Variants in RAB34 observed in about 807,000 individuals in gnomAD.
The protein encoded by RAB34 is RAB34, member RAS oncogene family, also known as ras-related protein Rab-34.
Under a neutral mutation model 39.0 loss-of-function variants are expected in RAB34, and 33 were observed. The observed-to-expected ratio is 0.85, with a 90% CI of 0.64 to 1.13. The LOEUF is 1.13. RAB34 is among the 50% of genes most tolerant of loss of function. RAB34 has a pLI of 0.00. For synonymous variants in RAB34, 135 were observed against 125.1 expected, an observed-to-expected ratio of 1.08 and a Z score of -0.53; for missense variants, 289 against 326.1, an observed-to-expected ratio of 0.89 and a Z score of 0.88.
In RAB34 at chr17:28,715,264, G is replaced by C. The variant is rs112344282; in HGVS notation, c.444C>G (p.Ala148=). ...ASLEHTKQWL[A]DALKENDPSS... is the part of the protein sequence containing the mutation. ...AAGGGTCATTCTCCTTCAGGGCATC[G>C]GCCAGCCACTGCCTGCCATGGGAGG... The change falls in exon 7 of 10, where the codon GCC becomes GCG. Residue 148 remains alanine (A), a synonymous_variant. Coordinates refer to ENST00000395245, the MANE Select transcript of RAB34 (RefSeq NM_031934.6). The C allele has an allele frequency of 2.1e-5, 34 of 1,613,092 alleles. No homozygotes were observed. Among genetic ancestry groups the C allele is most frequent in the African/African-American group, 2.0e-4 (15 of 75,012 alleles).
intron 6 of RAB34, 47 bp downstream of exon 6, chr17:28,715,409 C>T (rs1368300939): frequency 2.5e-6 from 4 of 1,611,022 alleles, no homozygotes; most frequent in Non-Finnish European, 3.4e-6. Context: ...CTGTTCTGAA[C>T]CCTCTCTTCC....
rs2033739577 is a variant in RAB34, at chr17:28,717,578, C to T, written c.-312G>A. 1.4e-6 allele frequency: 2 copies of T among 1,416,384 alleles called. No individual in the cohort carries two copies. Among genetic ancestry groups the T allele is most frequent in the Non-Finnish European group, 1.8e-6 (2 of 1,088,962 alleles). The allele number at this position is 1,416,384 out of a possible 1,614,324, so 87.7% of individuals were successfully genotyped here. A position where few individuals can be genotyped will look rare whatever the true frequency, so the allele number is the denominator to read the frequency against. ...GCGGGGAGTCCCGTCTGGTGGGGGC[C>T]GGGCCCGCGCAGACCCTACGATTAC... is the stretch of plus-strand genomic sequence containing the variant. On this transcript the variant is annotated 5_prime_UTR_variant, in exon 1 of 10. Transcript: ENST00000395245.
chr17:28,717,919 T>C (rs1448558564), upstream of RAB34: 2 of 1,326,932 alleles, frequency 1.5e-6, no homozygotes, highest in Non-Finnish European at 1.9e-6. Flanking sequence ...GCCCCTCTCC[T>C]GGCGGCTCCA....
Position 28,717,594 on chromosome 17 carries a change from C to T in RAB34, c.-328G>A. The T allele has an allele frequency of 2.1e-6, 3 of 1,409,420 alleles. No individual in the cohort carries two copies. Among genetic ancestry groups the T allele is most frequent in the Non-Finnish European group, 2.8e-6 (3 of 1,086,068 alleles). The allele number at this position is 1,409,420 out of a possible 1,614,324, so 87.3% of individuals were successfully genotyped here. ...GGTGGGGGCCGGGCCCGCGCAGACC[C>T]TACGATTACGCGGGGCCGGATAGTT... On this transcript the variant is annotated 5_prime_UTR_variant, in exon 1 of 10. Transcript: ENST00000395245.
At chr17:28,715,356 C>A in intron 6 of RAB34, 80 bp from the exon 7 acceptor site, 1 of 1,580,550 alleles carries the variant, frequency 6.3e-7, no homozygotes, top group Non-Finnish European at 8.7e-7. Context: ...CAATTACCCC[C>A]TCTCTGGTCC....
rs765974600 is a variant in RAB34 at position 28,715,420 on chromosome 17, C to T, written c.431+36G>A. 8.7e-6 allele frequency: 14 copies of T among 1,612,392 alleles called. No homozygotes were observed. The Middle Eastern group carries it at 8.3e-4, about 95-fold the overall frequency. On this transcript the variant is annotated intron_variant, in intron 6 of 9. Coordinates refer to ENST00000395245, the MANE Select transcript of RAB34 (RefSeq NM_031934.6). Reference sequence around the variant, plus strand: ...CCCTCTGTTCTGAACCCTCTCTTCCCGGAGCCTCCCATTATATTGCAGGAT... The same window carrying T: ...CCCTCTGTTCTGAACCCTCTCTTCCTGGAGCCTCCCATTATATTGCAGGAT...
rs1275091259 is a variant in RAB34 at position 28,715,717 on chromosome 17, G to A, written c.315-12C>T. ...CAGCGGTATCCCAACTGGAAGGAAG[G>A]AAGAGTGAAGCACAGGTATGTATCT... On this transcript the variant is annotated splice_polypyrimidine_tract_variant and intron_variant, in intron 4 of 9. Transcript: ENST00000395245. 10 of 1,613,976 alleles carry A rather than the reference G, an allele frequency of 6.2e-6. No individual in the cohort carries two copies. Among genetic ancestry groups the A allele is most frequent in the South Asian group, 1.1e-5 (1 of 91,080 alleles).
chr17:28,718,043 A>G, upstream of RAB34: 2 of 1,355,744 alleles, frequency 1.5e-6, no homozygotes, highest in Non-Finnish European at 1.9e-6. Context: ...CCCAGGCTGG[A>G]GCCTATCCAG....
chr17:28,714,324 G>C lies in RAB34; in HGVS notation c.*319C>G. The C allele has an allele frequency of 1.7e-6, 1 of 585,938 alleles. No individual in the cohort carries two copies. Among genetic ancestry groups the C allele is most frequent in the East Asian group, 2.8e-5 (1 of 35,398 alleles). 36.3% of individuals were successfully genotyped at this position (585,938 alleles called of 1,614,324 possible). On this transcript the variant is annotated 3_prime_UTR_variant, in exon 10 of 10. Coordinates refer to ENST00000395245, the MANE Select transcript of RAB34 (RefSeq NM_031934.6). ...AATTTTAATGCATAAGGCACAGTGA[G>C]AGGCTGGAATCATTAAGCATCCTCA...
chr17:28,717,931 G>A, upstream of RAB34: 3 of 1,340,540 alleles, frequency 2.2e-6, no homozygotes, highest in South Asian at 1.9e-5. Flanking sequence ...GCGGCTCCAG[G>A]CCTCGCTGCC....
chr17:28,717,341 G>A lies in RAB34; in HGVS notation c.-75C>T, dbSNP rs938214098. ...CGCGTCAGCGACCCGGGCGCGTGGA[G>A]ACCCGACGATCACCCGCGGCCGGGG... On this transcript the variant is annotated 5_prime_UTR_variant, in exon 1 of 10. Transcript: ENST00000395245. 2.6e-6 allele frequency: 4 copies of A among 1,538,024 alleles called. No homozygotes were observed. In the African/African-American group the frequency reaches 4.1e-5, roughly 16 times the overall value.
chr17:28,718,343 G>A (rs1027208551), upstream of RAB34: 5 of 1,321,686 alleles, frequency 3.8e-6, no homozygotes, highest in African/African-American at 1.5e-5. Context: ...TGCGAAGGGG[G>A]TGCCAGGGTT....
At position 28,716,985 on chromosome 17, in the gene RAB34, TCCTC is replaced by T; in HGVS notation, c.60_63del (p.Lys22ArgfsTer112). ...TTGTGCCCGTGCAAAGCGGCCTCCT[TCCTC>T]AGGCACTTAGTGGGAAGGATGGAAG... On this transcript the variant is annotated frameshift_variant, in exon 2 of 10. Transcript: ENST00000395245. LOFTEE classifies it high-confidence loss of function. 2 of 1,613,556 alleles carry T rather than the reference TCCTC, an allele frequency of 1.2e-6. No individual in the cohort carries two copies. The highest frequency in any genetic ancestry group is 1.7e-6 in the Non-Finnish European group (2 of 1,179,896).
intron 4 of RAB34, 47 bp downstream of exon 4, chr17:28,715,753 G>A (rs1466504872): frequency 1.2e-6 from 2 of 1,612,712 alleles, no homozygotes; most frequent in East Asian, 2.2e-5. Context: ...TGGGGGGTGT[G>A]GGTGCTGGGG....
rs1276717684 is a variant in RAB34, at chr17:28,717,314, TC to T, written c.-49del. On this transcript the variant is annotated 5_prime_UTR_variant, in exon 1 of 10. Coordinates refer to ENST00000395245, the MANE Select transcript of RAB34 (RefSeq NM_031934.6). ...GCCCTGAGAAGGCGCCGAGGCCGGA[TC>T]CGCGTCAGCGACCCGGGCGCGTGGA... 6.4e-7 allele frequency: 1 copy of T among 1,553,310 alleles called. No homozygotes were observed. Among genetic ancestry groups the T allele is most frequent in the East Asian group, 2.4e-5 (1 of 41,310 alleles).
chr17:28,715,749 G>T (rs780101017), intron 4 of RAB34, 44 bp from the exon 5 acceptor site: 1 of 1,612,960 alleles, frequency 6.2e-7, no homozygotes, highest in East Asian at 2.2e-5. Flanking sequence ...ATCTTGGGGG[G>T]TGTGGGTGCT....
chr17:28,715,215 C>A lies in RAB34; in HGVS notation c.493G>T (p.Gly165Cys), dbSNP rs548063948. Residue 165 changes from glycine (G) to cysteine (C), a missense_variant, in exon 7 of 10, where the codon GGT becomes TGT. Gly to Cys is a radical substitution (Grantham distance 159). Transcript: ENST00000395245. ...DPSSVLLFLVGSKKDLSTPAQ... is the reference protein window; with the variant it reads ...DPSSVLLFLVCSKKDLSTPAQ... ...CTCACACTCAGATCCTTCTTGGAAC[C>A]TACAAGGAAGAGAAGCACACTGGAA... The A allele has an allele frequency of 6.2e-7, 1 of 1,614,088 alleles. No homozygotes were observed. Among genetic ancestry groups the A allele is most frequent in the African/African-American group, 1.3e-5 (1 of 75,068 alleles).
chr17:28,716,126 C>T, intron 2 of RAB34, 68 bp from the exon 3 acceptor site: 16 of 1,607,668 alleles, frequency 1.0e-5, no homozygotes, highest in Non-Finnish European at 1.4e-5. Flanking sequence ...TTCCAATGCT[C>T]CCGACTAGGT....
At chr17:28,716,207 G>C (rs2033405282) in intron 2 of RAB34, 149 bp from the exon 3 acceptor site, 1 of 1,028,266 alleles carries the variant, frequency 9.7e-7, no homozygotes, top group Non-Finnish European at 1.4e-6. Flanking sequence ...GCGTGGACAG[G>C]TGTGCTGGGG....
Sources: allele counts gnomAD v4.1 joint callset, GRCh38; gene constraint gnomAD v4.1.1; transcripts MANE v1.5; gene names NCBI Gene and HGNC (gene_info 2026-07-23, HGNC 2026-07-21).